The following EGFR variants were observed in gnomAD, a reference collection of about 807,000 sequenced individuals.
EGFR encodes epidermal growth factor receptor, also known as avian erythroblastic leukemia viral (v-erb-b) oncogene homolog.
In EGFR, 58 loss-of-function variants were observed where a neutral mutation model predicts 143.0. The ratio of observed to expected loss-of-function variants is 0.41; its 90% CI spans 0.33 to 0.50. The LOEUF (loss-of-function observed/expected upper bound fraction) is 0.50. Among genes scored for constraint, EGFR ranks in the 20% least tolerant of loss-of-function variants. The pLI is 0.39. For missense variants in EGFR, 1,307 were observed against 1,579.0 expected (o/e 0.83, Z 2.92); for synonymous variants, 613 against 594.4 (o/e 1.03, Z -0.45).
At chr7:55,100,978 T>A (rs1259001315) in intron 1 of EGFR, among the ~76,000 whole-genome samples, 2 of 152,266 alleles carry the variant, frequency 1.3e-5, no homozygotes, top group Non-Finnish European at 2.9e-5. Context: ...CACCTTTACC[T>A]GGTGCTTTTC....
chr7:55,181,941 G>A, intron 20 of EGFR: 3 of 253,410 alleles, frequency 1.2e-5, no homozygotes, highest in Non-Finnish European at 2.3e-5. Context: ...AGCTGACAGA[G>A]GGCGCAGCTG....
intron 1 of EGFR, among the ~76,000 whole-genome samples, chr7:55,074,469 A>G (rs761491002): frequency 2.8e-4 from 42 of 152,270 alleles, no homozygotes; most frequent in Non-Finnish European, 1.3e-4. Flanking sequence ...ACAGAAACAG[A>G]AAGTGTAAGT....
chr7:55,160,686 G>A (rs17336765), intron 12 of EGFR, among the ~76,000 whole-genome samples: 7,224 of 152,286 alleles, frequency 0.047, 261 homozygotes, highest in Non-Finnish European at 0.075. Context: ...ACACACAGAG[G>A]AATGGAATGA....
At chr7:55,118,467 C>T (rs1793004738) in intron 1 of EGFR, among the ~76,000 whole-genome samples, 1 of 152,168 alleles carries the variant, frequency 6.6e-6, no homozygotes, top group Admixed American at 6.5e-5. Flanking sequence ...GTGGTAGAAG[C>T]AGGTGGACCA....
At chr7:55,165,192 C>A (rs17336926) in intron 14 of EGFR, 88 bp from the exon 15 acceptor site, 1 of 1,592,740 alleles carries the variant, frequency 6.3e-7, no homozygotes, top group Non-Finnish European at 8.6e-7. Flanking sequence ...CACTCACACA[C>A]ACTAAATATT....
intron 1 of EGFR, among the ~76,000 whole-genome samples, chr7:55,038,313 G>C (rs1034678074): frequency 4.6e-5 from 7 of 152,196 alleles, no homozygotes; most frequent in Non-Finnish European, 4.4e-5. Flanking sequence ...GTGTGCAAAT[G>C]ATGTGTGAGG....
chr7:55,036,121 G>A lies in EGFR; in HGVS notation c.88+16756G>A, dbSNP rs1367900647. Among the ~76,000 whole-genome samples, 3 of 151,914 alleles carry A rather than the reference G, an allele frequency of 2.0e-5. No individual in the cohort carries two copies. In the East Asian group the frequency reaches 5.8e-4, roughly 29 times the overall value. Reference sequence around the variant, plus strand: ...GAGGCATGAGGAGAAATGGGATGAGGGAGAGAGAGCTAAGATAGATAAAGA... The same window carrying A: ...GAGGCATGAGGAGAAATGGGATGAGAGAGAGAGAGCTAAGATAGATAAAGA... On this transcript the variant is annotated intron_variant, in intron 1 of 27. Transcript: ENST00000275493.
At chr7:55,093,181 C>A (rs770828123) in intron 1 of EGFR, among the ~76,000 whole-genome samples, 1 of 152,208 alleles carries the variant, frequency 6.6e-6, no homozygotes, top group African/African-American at 2.4e-5. Flanking sequence ...TTCCTTCCAG[C>A]GCCTAAGCCT....
intron 12 of EGFR, 54 bp from the exon 13 acceptor site, chr7:55,161,445 C>T (rs2128942527): frequency 6.3e-7 from 1 of 1,584,910 alleles, no homozygotes; most frequent in Admixed American, 1.7e-5. Context: ...TCTCCTCCGG[C>T]CCCTCGGGTC....
chr7:55,191,488 C>T (rs1011902704), intron 20 of EGFR, among the ~76,000 whole-genome samples: 2 of 152,150 alleles, frequency 1.3e-5, no homozygotes, highest in Non-Finnish European at 1.5e-5. Context: ...ACGAGCACCT[C>T]TGGACTTAAA....
chr7:55,058,393 CAAA>C (rs938175363), intron 1 of EGFR, among the ~76,000 whole-genome samples: 1 of 117,688 alleles, frequency 8.5e-6, no homozygotes. Flanking sequence ...GACTCTGTCT[CAAA>C]AAAAAAAAAA....
chr7:55,076,380 G>T (rs948509724), intron 1 of EGFR, among the ~76,000 whole-genome samples: 5 of 152,140 alleles, frequency 3.3e-5, no homozygotes, highest in African/African-American at 7.2e-5. Context: ...CAAGACTCAA[G>T]GGCACCAGTA....
At chr7:55,153,876 C>A in intron 6 of EGFR, 135 bp from the exon 7 acceptor site, 1 of 1,373,620 alleles carries the variant, frequency 7.3e-7, no homozygotes, top group Non-Finnish European at 1.0e-6. Flanking sequence ...GGTTTTCCCA[C>A]ACTAGTGGAA....
At chr7:55,117,015 C>T (rs150076965) in intron 1 of EGFR, among the ~76,000 whole-genome samples, 4 of 152,258 alleles carry the variant, frequency 2.6e-5, no homozygotes, top group Non-Finnish European at 2.9e-5. Context: ...CTCAGAGTGG[C>T]GTTGCTGGGT....
At chr7:55,063,475 G>A (rs777085989) in intron 1 of EGFR, among the ~76,000 whole-genome samples, 20 of 152,214 alleles carry the variant, frequency 1.3e-4, no homozygotes, top group Non-Finnish European at 2.6e-4. Flanking sequence ...AGGTGTATGG[G>A]AGGAAATATA....
At chr7:55,075,516 C>T (rs957098136) in intron 1 of EGFR, among the ~76,000 whole-genome samples, 3 of 152,210 alleles carry the variant, frequency 2.0e-5, no homozygotes, top group Admixed American at 1.3e-4. Flanking sequence ...TCTGAATTTC[C>T]CCCTAGATTA....
intron 1 of EGFR, among the ~76,000 whole-genome samples, chr7:55,039,363 T>G (rs7806790): frequency 2.0e-5 from 3 of 151,976 alleles, no homozygotes; most frequent in Non-Finnish European, 4.4e-5. Context: ...GGTGGAGGAG[T>G]GCAGAGATGA....
chr7:55,045,787 T>C lies in EGFR; in HGVS notation c.88+26422T>C, dbSNP rs867517377. Among the ~76,000 whole-genome samples the C allele has an allele frequency of 1.8e-4, 27 of 152,372 alleles. 1 individual carries two copies. The highest frequency in any genetic ancestry group is 8.3e-4 in the South Asian group (4 of 4,832). On this transcript the variant is annotated intron_variant, in intron 1 of 27. Transcript: ENST00000275493. ...TTATTGCTGCAGCTGTTCTTATAGA[T>C]GTGATTTCTAGAACATTGCCTTCTA...
chr7:55,185,144 C>CA lies in EGFR; in HGVS notation c.2469+3670dup, dbSNP rs1787074113. Among the ~76,000 whole-genome samples the CA allele has an allele frequency of 2.0e-5, 3 of 151,672 alleles. No individual in the cohort carries two copies. In the South Asian group the frequency reaches 6.2e-4, roughly 32 times the overall value. On this transcript the variant is annotated intron_variant, in intron 20 of 27. Transcript: ENST00000275493. Reference sequence around the variant, plus strand: ...ATTACATAAAATTATATCAACTAGACAAAAGGAAAAAGGAAAAAAAACAGA... The same window carrying CA: ...ATTACATAAAATTATATCAACTAGACAAAAAGGAAAAAGGAAAAAAAACAGA...
Sources: allele counts gnomAD v4.1 joint callset (sites outside exome capture counted in the v4.1 genomes callset), GRCh38; gene constraint gnomAD v4.1.1; transcripts MANE v1.5; gene names NCBI Gene and HGNC (gene_info 2026-07-23, HGNC 2026-07-21).